The following PTPRG variants were observed in gnomAD, a reference collection of about 807,000 sequenced individuals.
PTPRG encodes the protein receptor-type tyrosine-protein phosphatase gamma.
PTPRG carries 102 observed loss-of-function variants against 165.3 expected under a neutral mutation model. The observed-to-expected ratio is 0.62, with a 90% CI of 0.53 to 0.73. The LOEUF (loss-of-function observed/expected upper bound fraction) is 0.73. Ranked by LOEUF, PTPRG falls within the 30% of genes least tolerant of loss-of-function variation. PTPRG has a pLI of 0.00. For missense variants in PTPRG, 1,866 were observed against 1,861.4 expected, an observed-to-expected ratio of 1.00 and a Z score of -0.05; for synonymous variants, 675 against 669.5, an observed-to-expected ratio of 1.01 and a Z score of -0.13.
At chr3:61,729,247 C>A (rs2032392622) in intron 1 of PTPRG, among the ~76,000 whole-genome samples, 1 of 152,074 alleles carries the variant, frequency 6.6e-6, no homozygotes, top group African/African-American at 2.4e-5. Flanking sequence ...GAAGATGGCC[C>A]ACAACTGTGC....
chr3:61,596,435 G>A (rs901966964), intron 1 of PTPRG, among the ~76,000 whole-genome samples: 2 of 60,054 alleles, frequency 3.3e-5, no homozygotes, highest in Middle Eastern at 8.3e-3. Flanking sequence ...GTTTCAATTC[G>A]GATGGATTTG....
Position 62,223,734 on chromosome 3 carries a change from G to C in PTPRG, c.2288+4751G>C, listed in dbSNP as rs541394906. Reference sequence around the variant, plus strand: ...ACCAGATCTGACTTTAGGGAAAAATGGAAAATGTAACTCTGGGTCCTGGTA... The same window carrying C: ...ACCAGATCTGACTTTAGGGAAAAATCGAAAATGTAACTCTGGGTCCTGGTA... On this transcript the variant is annotated intron_variant, in intron 13 of 29. Coordinates refer to ENST00000474889, the MANE Select transcript of PTPRG (RefSeq NM_002841.4). Among the ~76,000 whole-genome samples, 27 of 152,244 alleles carry C rather than the reference G, an allele frequency of 1.8e-4. 1 individual carries two copies. The South Asian group carries it at 5.4e-3, about 30-fold the overall frequency.
intron 1 of PTPRG, among the ~76,000 whole-genome samples, chr3:61,725,880 G>C (rs1459422330): frequency 6.6e-6 from 1 of 152,084 alleles, no homozygotes; most frequent in African/African-American, 2.4e-5. Context: ...CCAATTTTAA[G>C]TCAGATCGAG....
chr3:62,203,799 C>T lies in PTPRG; in HGVS notation c.2004C>T (p.Pro668=), dbSNP rs748713152. The change falls in exon 12 of 30, where the codon CCC becomes CCT. Residue 668 remains proline, a synonymous_variant. Coordinates refer to ENST00000474889, the MANE Select transcript of PTPRG (RefSeq NM_002841.4). The surrounding 1 kb of genome is among the most constrained non-coding windows in gnomAD (Gnocchi z 6.4). ...GRRDAGPGLD[P]DMVTSTQVPP... is the part of the protein sequence containing the mutation. ...GGGATGCCGGCCCAGGCCTGGACCC[C>T]GACATGGTCACCTCCACCCAAGTGC... is the stretch of plus-strand genomic sequence containing the variant. The T allele has an allele frequency of 1.8e-5, 29 of 1,613,534 alleles. No homozygotes were observed. The Admixed American group carries it at 1.8e-4, about 10-fold the overall frequency.
At chr3:62,046,762 C>T (rs573790150) in intron 4 of PTPRG, among the ~76,000 whole-genome samples, 2 of 152,160 alleles carry the variant, frequency 1.3e-5, no homozygotes, top group Admixed American at 1.3e-4. Flanking sequence ...GAGAAGACAT[C>T]CTTAAGTTTA....
intron 2 of PTPRG, among the ~76,000 whole-genome samples, chr3:61,877,313 G>C (rs557088652): frequency 6.6e-6 from 1 of 152,306 alleles, no homozygotes; most frequent in Non-Finnish European, 1.5e-5. Context: ...GAACGTGGAT[G>C]TTCTGCAGCA....
chr3:61,597,480 A>G (rs914022692), intron 1 of PTPRG, among the ~76,000 whole-genome samples: 7 of 152,228 alleles, frequency 4.6e-5, no homozygotes. Flanking sequence ...GGTATAGAAC[A>G]TTTAATGTTG....
At chr3:61,583,246 G>T (rs1700348208) in intron 1 of PTPRG, among the ~76,000 whole-genome samples, 1 of 152,190 alleles carries the variant, frequency 6.6e-6, no homozygotes, top group African/African-American at 2.4e-5. Context: ...GCCAATGCTG[G>T]ATGCATTGAC....
intron 2 of PTPRG, among the ~76,000 whole-genome samples, chr3:61,947,093 G>C (rs576601355): frequency 6.6e-6 from 1 of 152,102 alleles, no homozygotes; most frequent in African/African-American, 2.4e-5. Flanking sequence ...AAAGTGGACC[G>C]ACCAGGGTGG....
chr3:61,663,823 C>T (rs990921087), intron 1 of PTPRG, among the ~76,000 whole-genome samples: 2 of 152,002 alleles, frequency 1.3e-5, no homozygotes, highest in Non-Finnish European at 2.9e-5. Flanking sequence ...AGAATTTTTG[C>T]TCCTATGAGA....
At chr3:61,616,166 G>T (rs1222922182) in intron 1 of PTPRG, among the ~76,000 whole-genome samples, 2 of 152,090 alleles carry the variant, frequency 1.3e-5, no homozygotes, top group African/African-American at 4.8e-5. Context: ...TGGCTACCTT[G>T]GTCTTGAACT....
At chr3:62,119,726 T>C (rs56917046) in intron 5 of PTPRG, among the ~76,000 whole-genome samples, 1,572 of 151,864 alleles carry the variant, frequency 0.01, 30 homozygotes, top group African/African-American at 0.034. Flanking sequence ...GTTCAAGTAA[T>C]TCTCCTGCCT....
chr3:61,698,679 A>G (rs1489940179), intron 1 of PTPRG, among the ~76,000 whole-genome samples: 1 of 152,238 alleles, frequency 6.6e-6, no homozygotes, highest in African/African-American at 2.4e-5. Context: ...TATGTGGATC[A>G]TATCTGTGGA....
At chr3:61,876,823 G>GT (rs1279116264) in intron 2 of PTPRG, among the ~76,000 whole-genome samples, 1 of 151,918 alleles carries the variant, frequency 6.6e-6, no homozygotes, top group Non-Finnish European at 1.5e-5. Context: ...AGTAATTCAT[G>GT]TTTTTTTCCC....
chr3:62,225,200 C>G (rs1003281779), intron 13 of PTPRG, among the ~76,000 whole-genome samples: 1 of 152,168 alleles, frequency 6.6e-6, no homozygotes, highest in African/African-American at 2.4e-5. Flanking sequence ...ATACTGCATT[C>G]CAAGAGCTTC....
chr3:62,278,727 C>T (rs543654356), intron 26 of PTPRG, among the ~76,000 whole-genome samples: 42 of 152,094 alleles, frequency 2.8e-4, no homozygotes, highest in African/African-American at 9.6e-4. Context: ...AAGACTGCTT[C>T]TGTATGATGG....
intron 2 of PTPRG, among the ~76,000 whole-genome samples, chr3:61,779,141 A>G (rs1055065094): frequency 6.6e-6 from 1 of 152,210 alleles, no homozygotes; most frequent in Non-Finnish European, 1.5e-5. Flanking sequence ...AACACTTCTC[A>G]TGGTCAGTCA....
chr3:62,121,322 G>A (rs924329349), intron 5 of PTPRG, among the ~76,000 whole-genome samples: 3 of 152,038 alleles, frequency 2.0e-5, no homozygotes, highest in African/African-American at 4.8e-5. Flanking sequence ...TCTTGGATGT[G>A]TTAGGAACTG....
At chr3:61,635,937 C>T (rs1701896611) in intron 1 of PTPRG, among the ~76,000 whole-genome samples, 1 of 152,068 alleles carries the variant, frequency 6.6e-6, no homozygotes, top group Non-Finnish European at 1.5e-5. Context: ...TTTCCAAATC[C>T]CAAGAATCTG....
Sources: allele counts gnomAD v4.1 joint callset (sites outside exome capture counted in the v4.1 genomes callset), GRCh38; gene constraint gnomAD v4.1.1; non-coding constraint Gnocchi (gnomAD v3.1); transcripts MANE v1.5; gene names NCBI Gene and HGNC (gene_info 2026-07-23, HGNC 2026-07-21).